Variants in NUP85 observed in about 807,000 individuals in gnomAD.
The protein encoded by NUP85 is nucleoporin 85.
A neutral mutation model predicts 92.8 loss-of-function variants in NUP85; 23 were observed. The ratio of observed to expected loss-of-function variants is 0.25; its 90% CI spans 0.18 to 0.35. The LOEUF is 0.35. Among genes scored for constraint, NUP85 ranks in the 10% least tolerant of loss-of-function variants. The pLI, the probability that NUP85 is intolerant of heterozygous loss-of-function variation, is 1.00. For synonymous variants in NUP85, 314 were observed against 306.9 expected (o/e 1.02, Z -0.24); for missense variants, 759 against 822.8 (o/e 0.92, Z 0.95).
chr17:75,220,007 G>C (rs564741835), intron 7 of NUP85, among the ~76,000 whole-genome samples: 1 of 152,244 alleles, frequency 6.6e-6, no homozygotes, highest in South Asian at 2.1e-4. Context: ...AGCCCCCTGG[G>C]CTGTCACTGA....
chr17:75,232,227 TCA>T (rs2076091083), intron 14 of NUP85: 2 of 497,528 alleles, frequency 4.0e-6, no homozygotes, highest in South Asian at 4.4e-5. Context: ...GCCCCTTTTC[TCA>T]CACACTTGAT....
chr17:75,234,079 T>C (rs1186977273), intron 16 of NUP85, among the ~76,000 whole-genome samples: 1 of 136,392 alleles, frequency 7.3e-6, no homozygotes, highest in South Asian at 2.3e-4. Context: ...TGAGACGGAG[T>C]CTCACTCTGT....
At chr17:75,227,065 C>T in intron 11 of NUP85, 1 of 183,518 alleles carries the variant, frequency 5.4e-6, no homozygotes, top group Non-Finnish European at 1.2e-5. Flanking sequence ...AAGAAGGTCC[C>T]CTTCCTTGTT....
intron 5 of NUP85, among the ~76,000 whole-genome samples, chr17:75,213,743 A>T (rs1295605440): frequency 2.0e-5 from 3 of 151,554 alleles, no homozygotes; most frequent in Non-Finnish European, 4.4e-5. Flanking sequence ...TTTGAAAGAC[A>T]GGGTCTCTCT....
At chr17:75,212,546 C>T (rs931779671) in intron 4 of NUP85, among the ~76,000 whole-genome samples, 1 of 143,084 alleles carries the variant, frequency 7.0e-6, no homozygotes, top group African/African-American at 2.6e-5. Context: ...TGGCTCACTG[C>T]AGTCATGAGC....
chr17:75,234,593 T>C (rs753608510), intron 16 of NUP85, 44 bp from the exon 17 acceptor site: 5 of 1,605,354 alleles, frequency 3.1e-6, no homozygotes, highest in South Asian at 1.1e-5. Flanking sequence ...CTTGGGCAAT[T>C]TGGGGGAATA....
intron 11 of NUP85, chr17:75,226,969 A>C (rs1295227743): frequency 1.6e-5 from 4 of 253,728 alleles, no homozygotes; most frequent in African/African-American, 8.9e-5. Context: ...ATTGCACTGA[A>C]TCTTTAGCAA....
chr17:75,205,728 C>T lies in NUP85; in HGVS notation c.-34C>T. The T allele has an allele frequency of 6.8e-6, 11 of 1,614,102 alleles. No homozygotes were observed. Among genetic ancestry groups the T allele is most frequent in the Admixed American group, 1.7e-5 (1 of 60,014 alleles). On this transcript the variant is annotated 5_prime_UTR_variant, in exon 1 of 19. Transcript: ENST00000245544. ...AGGCCTGAGCGGGAAGCATTGGCGT[C>T]CGAGCGACTTCTAGGAGCCTGGGGT...
At chr17:75,227,678 C>T (rs1335649547) in intron 11 of NUP85, among the ~76,000 whole-genome samples, 1 of 151,308 alleles carries the variant, frequency 6.6e-6, no homozygotes, top group African/African-American at 2.4e-5. Context: ...CACTTTGTCA[C>T]CCGGGCTGGA....
Position 75,212,087 on chromosome 17 carries a change from CGTGTGTGTGT to C in NUP85, c.361+39_361+48del, listed in dbSNP as rs555503834. 54 of 1,203,404 alleles carry C rather than the reference CGTGTGTGTGT, an allele frequency of 4.5e-5. No homozygotes were observed. In the African/African-American group the frequency reaches 8.0e-4, roughly 18 times the overall value. 74.5% of individuals were successfully genotyped at this position (1,203,404 alleles called of 1,614,324 possible). ...AGTAAGGACTGTGTGCGCGTGCGCGCGTGTGTGTGTGTGTGTGTGTGTGGGTATTTTGAGT... is the reference window on the plus strand; with the variant it reads ...AGTAAGGACTGTGTGCGCGTGCGCGCGTGTGTGTGTGTGGGTATTTTGAGT... On this transcript the variant is annotated intron_variant, in intron 4 of 18. Coordinates refer to ENST00000245544, the MANE Select transcript of NUP85 (RefSeq NM_024844.5).
chr17:75,211,251 C>T (rs1397755490), intron 3 of NUP85, among the ~76,000 whole-genome samples: 1 of 151,924 alleles, frequency 6.6e-6, no homozygotes, highest in Non-Finnish European at 1.5e-5. Flanking sequence ...GATCTGCCCA[C>T]CTCAGCGTCC....
chr17:75,223,625 T>G (rs2075662772), intron 7 of NUP85, among the ~76,000 whole-genome samples: 1 of 152,148 alleles, frequency 6.6e-6, no homozygotes, highest in Non-Finnish European at 1.5e-5. Context: ...TGACCTCAGG[T>G]GATCCACCCG....
At position 75,212,087 on chromosome 17, in the gene NUP85, CGTGTGTGTGTGT is replaced by C. The variant is rs555503834; in HGVS notation, c.361+37_361+48del. 186 of 1,203,402 alleles carry C rather than the reference CGTGTGTGTGTGT, an allele frequency of 1.5e-4. No individual in the cohort carries two copies. In the African/African-American group the frequency reaches 2.8e-3, roughly 18 times the overall value. 74.5% of individuals were successfully genotyped at this position (1,203,402 alleles called of 1,614,324 possible). ...AGTAAGGACTGTGTGCGCGTGCGCG[CGTGTGTGTGTGT>C]GTGTGTGTGTGGGTATTTTGAGTAT... is the stretch of plus-strand genomic sequence containing the variant. On this transcript the variant is annotated intron_variant, in intron 4 of 18. Coordinates refer to ENST00000245544, the MANE Select transcript of NUP85 (RefSeq NM_024844.5).
At chr17:75,219,658 T>C (rs2075540153) in intron 7 of NUP85, among the ~76,000 whole-genome samples, 1 of 152,222 alleles carries the variant, frequency 6.6e-6, no homozygotes, top group South Asian at 2.1e-4. Flanking sequence ...TTCCTGCCTT[T>C]ATGGAGTTTA....
intron 3 of NUP85, among the ~76,000 whole-genome samples, 190 bp downstream of exon 3, chr17:75,210,175 G>A (rs1432993951): frequency 6.6e-6 from 1 of 152,164 alleles, no homozygotes; most frequent in Non-Finnish European, 1.5e-5. Flanking sequence ...ATATGCAAAT[G>A]CTATTGATGG....
At chr17:75,222,495 A>ATT (rs578181379) in intron 7 of NUP85, among the ~76,000 whole-genome samples, 2 of 83,416 alleles carry the variant, frequency 2.4e-5, no homozygotes, top group African/African-American at 1.0e-4. Context: ...TATATTTGTG[A>ATT]TTTTTTTTTT....
At chr17:75,223,409 A>G (rs1362584046) in intron 7 of NUP85, among the ~76,000 whole-genome samples, 2 of 152,270 alleles carry the variant, frequency 1.3e-5, no homozygotes, top group Admixed American at 6.5e-5. Context: ...TATTTTTGAG[A>G]TGGAGTCTCA....
rs189728978 is a variant in NUP85, at chr17:75,209,644, A to G, written c.128-179A>G. On this transcript the variant is annotated intron_variant, in intron 2 of 18. Coordinates refer to ENST00000245544, the MANE Select transcript of NUP85 (RefSeq NM_024844.5). ...TTTTTAGTAGAGACAGGGTTTTGCT[A>G]TGTTGGCCAGCCTGGTCTCGAATTC... is the stretch of plus-strand genomic sequence containing the variant. Among the ~76,000 whole-genome samples the G allele has an allele frequency of 3.1e-3, 466 of 152,152 alleles. 4 individuals carry two copies. The highest frequency in any genetic ancestry group is 0.011 in the African/African-American group (455 of 41,508).
At position 75,211,917 on chromosome 17, in the gene NUP85, ATT is replaced by A; in HGVS notation, c.291-73_291-72del. The A allele has an allele frequency of 3.4e-6, 4 of 1,165,718 alleles. No individual in the cohort carries two copies. The South Asian group carries it at 5.3e-5, about 15-fold the overall frequency. 72.2% of individuals were successfully genotyped at this position (1,165,718 alleles called of 1,614,324 possible). A position where few individuals can be genotyped will look rare whatever the true frequency, so the allele number is the denominator to read the frequency against. On this transcript the variant is annotated intron_variant, in intron 3 of 18. Coordinates refer to ENST00000245544, the MANE Select transcript of NUP85 (RefSeq NM_024844.5). ...TTTCTTTCAGCAAATTTCTGCATTT[ATT>A]TGAGTGTTTCCTTCCTTTGTGGCAC...
Sources: allele counts gnomAD v4.1 joint callset (sites outside exome capture counted in the v4.1 genomes callset), GRCh38; gene constraint gnomAD v4.1.1; transcripts MANE v1.5; gene names NCBI Gene and HGNC (gene_info 2026-07-23, HGNC 2026-07-21).